Variants in EXOC6B observed in about 807,000 individuals in gnomAD.
EXOC6B encodes the protein SEC15 homolog B.
A neutral mutation model predicts 113.5 loss-of-function variants in EXOC6B; 54 were observed. The ratio of observed to expected loss-of-function variants is 0.48; its 90% confidence interval spans 0.38 to 0.60. EXOC6B has a LOEUF of 0.60. Ranked by LOEUF, EXOC6B falls within the 20% of genes least tolerant of loss-of-function variation. The probability of loss-of-function intolerance (pLI) is 0.00; values close to 1 mark genes in which losing one functional copy is unlikely to be tolerated. For synonymous variants in EXOC6B, 357 were observed against 339.0 expected (o/e 1.05, Z -0.58); for missense variants, 797 against 977.5 (o/e 0.82, Z 2.46).
At chr2:72,582,744 C>A (rs1175235722) in intron 6 of EXOC6B, among the ~76,000 whole-genome samples, 1 of 152,104 alleles carries the variant, frequency 6.6e-6, no homozygotes, top group Non-Finnish European at 1.5e-5. Flanking sequence ...ACCACAGGAT[C>A]ACACAGGCTC....
rs1389246129 is a variant in EXOC6B at position 72,575,587 on chromosome 2, A to G, written c.751T>C (p.Tyr251His). The G allele has an allele frequency of 1.9e-6, 3 of 1,610,766 alleles. No individual in the cohort carries two copies. The highest frequency in any genetic ancestry group is 2.2e-5 in the East Asian group (1 of 44,700). Reference protein sequence around the residue: ...GSKRKSKKDAYIIFDTEIEST... With the variant: ...GSKRKSKKDAHIIFDTEIEST... ...TCTATCTCTGTATCAAAGATTATAT[A>G]TGCATCTTTCTTAGATTTCCTCTTG... is the stretch of plus-strand genomic sequence containing the variant. The change falls in exon 7 of 22, where the codon TAT becomes CAT. Residue 251 changes from tyrosine to histidine, a missense_variant. Coordinates refer to ENST00000272427, the MANE Select transcript of EXOC6B (RefSeq NM_015189.3).
chr2:72,618,098 A>G (rs968170336), intron 6 of EXOC6B, among the ~76,000 whole-genome samples: 24 of 152,016 alleles, frequency 1.6e-4, no homozygotes, highest in African/African-American at 5.8e-4. Flanking sequence ...GCCAGGTCCA[A>G]TGGCTCACAC....
At chr2:72,261,144 T>A (rs1311167418) in intron 20 of EXOC6B, among the ~76,000 whole-genome samples, 1 of 152,110 alleles carries the variant, frequency 6.6e-6, no homozygotes, top group African/African-American at 2.4e-5. Flanking sequence ...TCAAGTCAGA[T>A]GAAGCAAAAT....
chr2:72,705,656 CCT>C (rs983010403), intron 6 of EXOC6B, among the ~76,000 whole-genome samples: 9 of 151,992 alleles, frequency 5.9e-5, no homozygotes, highest in African/African-American at 2.2e-4. Context: ...TCTCCTATCC[CCT>C]CACACAACTG....
intron 6 of EXOC6B, among the ~76,000 whole-genome samples, chr2:72,630,961 C>A (rs989388293): frequency 1.3e-5 from 2 of 152,080 alleles, no homozygotes; most frequent in African/African-American, 4.8e-5. Flanking sequence ...ATCAAATCAC[C>A]AAACTAAACT....
At chr2:72,611,042 G>A (rs1376867354) in intron 6 of EXOC6B, among the ~76,000 whole-genome samples, 2 of 152,126 alleles carry the variant, frequency 1.3e-5, no homozygotes, top group Non-Finnish European at 2.9e-5. Context: ...AACCCAGAGT[G>A]GGAGACATGC....
At chr2:72,287,355 C>T (rs1485919453) in intron 20 of EXOC6B, among the ~76,000 whole-genome samples, 2 of 150,322 alleles carry the variant, frequency 1.3e-5, no homozygotes, top group African/African-American at 4.9e-5. Flanking sequence ...GGCGTGAACC[C>T]GGGAGGTGGA....
intron 7 of EXOC6B, among the ~76,000 whole-genome samples, chr2:72,566,356 G>A (rs552629370): frequency 2.2e-4 from 33 of 152,074 alleles, no homozygotes; most frequent in Non-Finnish European, 4.7e-4. Flanking sequence ...TCATGCATCT[G>A]CCGTTTATTC....
At chr2:72,728,393 T>G (rs933716557) in intron 5 of EXOC6B, among the ~76,000 whole-genome samples, 20 of 152,218 alleles carry the variant, frequency 1.3e-4, no homozygotes, top group African/African-American at 4.8e-4. Flanking sequence ...AAATTTTGAA[T>G]GTGAGTCCAA....
At chr2:72,412,298 A>G (rs1436559977) in intron 18 of EXOC6B, among the ~76,000 whole-genome samples, 1 of 152,248 alleles carries the variant, frequency 6.6e-6, no homozygotes, top group Non-Finnish European at 1.5e-5. Flanking sequence ...TCATAAATCT[A>G]ACACTAGCTA....
At chr2:72,742,414 C>T (rs1426774515) in intron 1 of EXOC6B, among the ~76,000 whole-genome samples, 2 of 152,084 alleles carry the variant, frequency 1.3e-5, no homozygotes, top group Non-Finnish European at 2.9e-5. Flanking sequence ...GTCCTCACAC[C>T]TTTGCCTCCC....
chr2:72,554,179 CACCATAGACATCTCAAT>C (rs1356609370), intron 8 of EXOC6B, among the ~76,000 whole-genome samples: 1 of 152,148 alleles, frequency 6.6e-6, no homozygotes, highest in African/African-American at 2.4e-5. Flanking sequence ...CAATAGCCAA[CACCATAGACATCTCAAT>C]AGCTTTAGAT....
At chr2:72,370,125 T>C (rs1690906687) in intron 19 of EXOC6B, among the ~76,000 whole-genome samples, 1 of 152,160 alleles carries the variant, frequency 6.6e-6, no homozygotes, top group African/African-American at 2.4e-5. Flanking sequence ...GACAAAGGGC[T>C]AATATCCAGA....
intron 18 of EXOC6B, among the ~76,000 whole-genome samples, chr2:72,394,472 A>AT (rs1307474635): frequency 6.6e-6 from 1 of 152,148 alleles, no homozygotes; most frequent in Non-Finnish European, 1.5e-5. Context: ...TGACATGGGA[A>AT]TTTTTTTAAG....
rs139290455 is a variant in EXOC6B, at chr2:72,496,468, T to G, written c.1429A>C (p.Ile477Leu). Residue 477 changes from isoleucine to leucine, a missense_variant, in exon 14 of 22, where the codon ATA (isoleucine) becomes CTA (leucine). Coordinates refer to ENST00000272427, the MANE Select transcript of EXOC6B (RefSeq NM_015189.3). ...KVVGQFPFQDIELEKQPFPKK... is the reference protein window; with the variant it reads ...KVVGQFPFQDLELEKQPFPKK... ...GTATTCCTTACCTTTTCCAGTTCTA[T>G]ATCTTGAAATGGGAATTGTCCTACC... 105 of 1,587,598 alleles carry G rather than the reference T, an allele frequency of 6.6e-5. No homozygotes were observed. The African/African-American group carries it at 1.2e-3, about 18-fold the overall frequency.
intron 8 of EXOC6B, among the ~76,000 whole-genome samples, chr2:72,532,679 G>A (rs559287187): frequency 7.9e-5 from 12 of 152,088 alleles, no homozygotes; most frequent in East Asian, 3.9e-4. Flanking sequence ...GTGGTGGCGC[G>A]CGCCTGTAAT....
chr2:72,473,149 C>T (rs1698515041), intron 17 of EXOC6B, among the ~76,000 whole-genome samples: 1 of 152,058 alleles, frequency 6.6e-6, no homozygotes, highest in South Asian at 2.1e-4. Flanking sequence ...AATGTGTATT[C>T]TGTTATTGTT....
At chr2:72,472,808 G>C (rs1698491039) in intron 17 of EXOC6B, among the ~76,000 whole-genome samples, 1 of 152,074 alleles carries the variant, frequency 6.6e-6, no homozygotes, top group Admixed American at 6.6e-5. Flanking sequence ...TTTTGATGTA[G>C]GTGCTTATTG....
At chr2:72,395,353 C>T (rs1692657607) in intron 18 of EXOC6B, among the ~76,000 whole-genome samples, 1 of 152,256 alleles carries the variant, frequency 6.6e-6, no homozygotes, top group Admixed American at 6.5e-5. Flanking sequence ...TACTCAGTCC[C>T]TAACTGGTCA....
Sources: gnomAD v4.1 joint callset for allele counts (sites outside exome capture counted in the v4.1 genomes callset) on GRCh38, gnomAD v4.1.1 for gene constraint, MANE v1.5 for transcripts, NCBI Gene and HGNC (gene_info 2026-07-23, HGNC 2026-07-21) for gene names.